The following PCSK5 variants were observed in gnomAD, a reference collection of about 807,000 sequenced individuals.
PCSK5 encodes proprotein convertase subtilisin/kexin type 5.
A neutral mutation model predicts 233.2 loss-of-function variants in PCSK5; 129 were observed. The observed-to-expected ratio is 0.55, with a 90% CI of 0.48 to 0.64. The LOEUF (loss-of-function observed/expected upper bound fraction) is 0.64, where lower values mean the gene tolerates loss of function less well. PCSK5 is among the 30% of genes least tolerant of loss of function. The pLI is 0.00. For missense variants in PCSK5, 2,076 were observed against 2,430.1 expected, an observed-to-expected ratio of 0.85 and a Z score of 3.06; for synonymous variants, 825 against 879.2, an observed-to-expected ratio of 0.94 and a Z score of 1.09.
chr9:76,222,025 G>A (rs1187210166), intron 20 of PCSK5, among the ~76,000 whole-genome samples: 2 of 152,226 alleles, frequency 1.3e-5, no homozygotes, highest in East Asian at 3.8e-4. Flanking sequence ...GGGTAGGGAT[G>A]TAGAACCCTC....
chr9:76,281,531 T>A (rs1827863332), intron 24 of PCSK5, among the ~76,000 whole-genome samples: 1 of 152,216 alleles, frequency 6.6e-6, no homozygotes, highest in African/African-American at 2.4e-5. Flanking sequence ...TACTGCTCAT[T>A]GACAATGTAC....
intron 14 of PCSK5, among the ~76,000 whole-genome samples, chr9:76,177,950 A>ATT (rs34069752): frequency 1.0e-4 from 15 of 149,708 alleles, no homozygotes; most frequent in Admixed American, 2.7e-4. Context: ...AATGTTTGGG[A>ATT]TTTTTTTTTT....
At chr9:75,901,677 G>A (rs1039293456) in intron 1 of PCSK5, among the ~76,000 whole-genome samples, 8 of 151,652 alleles carry the variant, frequency 5.3e-5, no homozygotes, top group African/African-American at 1.7e-4. Context: ...TTGGAGCAGC[G>A]GGAACTGGAG....
At chr9:75,938,359 TATTG>T (rs1351186806) in intron 2 of PCSK5, among the ~76,000 whole-genome samples, 1 of 152,210 alleles carries the variant, frequency 6.6e-6, no homozygotes, top group Non-Finnish European at 1.5e-5. Context: ...ACGCAACATT[TATTG>T]ATTAAGTTCA....
chr9:76,283,568 G>T (rs1414727539), intron 24 of PCSK5, among the ~76,000 whole-genome samples: 1 of 152,174 alleles, frequency 6.6e-6, no homozygotes, highest in Non-Finnish European at 1.5e-5. Flanking sequence ...GGAAACAAAA[G>T]AGTTTGTGTG....
chr9:76,166,407 C>G (rs1019123584), intron 12 of PCSK5, among the ~76,000 whole-genome samples: 7 of 151,962 alleles, frequency 4.6e-5, no homozygotes, highest in Non-Finnish European at 1.0e-4. Context: ...AATTTTTGTG[C>G]CCGATGTGAT....
chr9:76,070,771 T>C (rs1830454773), intron 6 of PCSK5, among the ~76,000 whole-genome samples: 1 of 152,192 alleles, frequency 6.6e-6, no homozygotes, highest in African/African-American at 2.4e-5. Flanking sequence ...TCTAAACCTG[T>C]TTGATGTGGG....
At chr9:76,262,008 G>A (rs1827189160) in intron 24 of PCSK5, among the ~76,000 whole-genome samples, 1 of 152,150 alleles carries the variant, frequency 6.6e-6, no homozygotes, top group African/African-American at 2.4e-5. Flanking sequence ...TCCTTCTCCT[G>A]CCTAACTGAC....
intron 24 of PCSK5, among the ~76,000 whole-genome samples, chr9:76,278,862 A>G (rs1274122226): frequency 3.9e-5 from 6 of 152,188 alleles, no homozygotes; most frequent in African/African-American, 1.4e-4. Context: ...ATATAAGTGA[A>G]CAGGCATATC....
At chr9:76,088,546 CAT>C (rs1564018611) in intron 7 of PCSK5, among the ~76,000 whole-genome samples, 1 of 152,288 alleles carries the variant, frequency 6.6e-6, no homozygotes, top group East Asian at 1.9e-4. Flanking sequence ...CAAAACATCT[CAT>C]ATTGTCTCAT....
intron 35 of PCSK5, among the ~76,000 whole-genome samples, chr9:76,341,230 CA>C (rs11446663): frequency 2.7e-5 from 4 of 150,230 alleles, no homozygotes; most frequent in South Asian, 2.1e-4. Flanking sequence ...GCCTCAAAAA[CA>C]AAAAAAAAGA....
chr9:76,044,414 G>A (rs558701051), intron 5 of PCSK5, among the ~76,000 whole-genome samples: 122 of 152,336 alleles, frequency 8.0e-4, no homozygotes, highest in Middle Eastern at 3.4e-3. Flanking sequence ...AAGTGTGCCT[G>A]TGCAGGACGA....
chr9:76,348,321 G>A (rs1830031993), intron 35 of PCSK5, among the ~76,000 whole-genome samples: 1 of 152,204 alleles, frequency 6.6e-6, no homozygotes, highest in African/African-American at 2.4e-5. Context: ...TGAGGTAGGA[G>A]AATTGCTTGA....
chr9:76,279,167 GT>G (rs905311547), intron 24 of PCSK5, among the ~76,000 whole-genome samples: 10 of 147,442 alleles, frequency 6.8e-5, no homozygotes, highest in African/African-American at 2.3e-4. Flanking sequence ...GCGGTGTTTG[GT>G]TTTTTGTTCT....
chr9:76,164,304 G>A (rs924985459), intron 12 of PCSK5, among the ~76,000 whole-genome samples: 1 of 152,110 alleles, frequency 6.6e-6, no homozygotes, highest in African/African-American at 2.4e-5. Flanking sequence ...TTTGGAGTTA[G>A]ACAGAGCTGG....
intron 1 of PCSK5, among the ~76,000 whole-genome samples, chr9:75,901,750 A>G (rs1183196209): frequency 6.6e-6 from 1 of 152,196 alleles, no homozygotes; most frequent in Non-Finnish European, 1.5e-5. Context: ...ATAACAATTA[A>G]TGATTGATGA....
intron 25 of PCSK5, among the ~76,000 whole-genome samples, chr9:76,294,254 G>T (rs1388413311): frequency 6.6e-6 from 1 of 151,406 alleles, no homozygotes; most frequent in African/African-American, 2.4e-5. Flanking sequence ...CTGATATCAT[G>T]CTGATGCTCT....
chr9:76,058,956 G>A (rs1252026607), intron 5 of PCSK5, among the ~76,000 whole-genome samples: 3 of 151,844 alleles, frequency 2.0e-5, no homozygotes, highest in Non-Finnish European at 4.4e-5. Context: ...GCCAGACTGG[G>A]CAACTTGGCG....
chr9:75,959,603 T>C lies in PCSK5; in HGVS notation c.298-26529T>C, dbSNP rs1352603915. ...AAGTGTTTGTATTAACCCAGTTAAC[T>C]TCTTGCTGAATGCCCCATGTCCAGC... is the stretch of plus-strand genomic sequence containing the variant. On this transcript the variant is annotated intron_variant, in intron 2 of 37. Coordinates refer to ENST00000674117, the MANE Select transcript of PCSK5 (RefSeq NM_001372043.1). Among the ~76,000 whole-genome samples the C allele has an allele frequency of 3.3e-5, 5 of 152,192 alleles. No homozygotes were observed. The East Asian group carries it at 9.6e-4, about 29-fold the overall frequency.
Sources: allele counts gnomAD v4.1 joint callset (sites outside exome capture counted in the v4.1 genomes callset), GRCh38; gene constraint gnomAD v4.1.1; transcripts MANE v1.5; gene names NCBI Gene and HGNC (gene_info 2026-07-23, HGNC 2026-07-21).